Variants in TECRL observed in about 807,000 individuals in gnomAD.
TECRL encodes the protein trans-2,3-enoyl-CoA reductase like, also known as trans-2,3-enoyl-CoA reductase-like.
In TECRL, 63 loss-of-function variants were observed where a neutral mutation model predicts 52.8. That is an observed-to-expected ratio of 1.19 (90% CI 0.97 to 1.47). The LOEUF (loss-of-function observed/expected upper bound fraction) is 1.47, where lower values mean the gene tolerates loss of function less well. TECRL is among the 40% of genes most tolerant of loss of function. The pLI is 0.00. For missense variants in TECRL, 482 were observed against 429.6 expected, an observed-to-expected ratio of 1.12 and a Z score of -1.08; for synonymous variants, 164 against 141.9, an observed-to-expected ratio of 1.16 and a Z score of -1.10.
intron 1 of TECRL, among the ~76,000 whole-genome samples, chr4:64,386,247 T>C (rs796371590): frequency 3.3e-5 from 5 of 152,286 alleles, no homozygotes; most frequent in African/African-American, 1.2e-4. Flanking sequence ...GTATTATATA[T>C]GGTATTCTCA....
chr4:64,304,046 A>C (rs1277161188), intron 7 of TECRL, among the ~76,000 whole-genome samples: 1 of 151,502 alleles, frequency 6.6e-6, no homozygotes, highest in African/African-American at 2.4e-5. Context: ...GCATATTTAC[A>C]GTTATTAACA....
intron 8 of TECRL, 101 bp from the exon 9 acceptor site, chr4:64,289,868 C>A (rs1205117397): frequency 3.1e-6 from 2 of 641,946 alleles, no homozygotes; most frequent in South Asian, 4.8e-5. Context: ...ACATTAATCC[C>A]AAAGATTCAA....
Position 64,328,390 on chromosome 4 carries a change from G to T in TECRL, c.331+122C>A, listed in dbSNP as rs890001876. 1.1e-5 allele frequency: 8 copies of T among 716,942 alleles called. No individual in the cohort carries two copies. In the East Asian group the frequency reaches 2.1e-4, roughly 19 times the overall value. 44.4% of individuals were successfully genotyped at this position (716,942 alleles called of 1,614,324 possible). A position where few individuals can be genotyped will look rare whatever the true frequency, so the allele number is the denominator to read the frequency against. On this transcript the variant is annotated intron_variant, in intron 3 of 11. Coordinates refer to ENST00000381210, the MANE Select transcript of TECRL (RefSeq NM_001010874.5). ...ATAAAAGTGGAGCTCTAGTTTGTTG[G>T]GCGAATCAATTAAATAATACTAATA...
chr4:64,361,538 G>T (rs985476705), intron 2 of TECRL, among the ~76,000 whole-genome samples: 1 of 152,132 alleles, frequency 6.6e-6, no homozygotes, highest in African/African-American at 2.4e-5. Context: ...AGAGGTCAAA[G>T]AACAAAGCTG....
chr4:64,313,542 T>C (rs757015629), intron 5 of TECRL, among the ~76,000 whole-genome samples: 12 of 138,402 alleles, frequency 8.7e-5, no homozygotes, highest in Non-Finnish European at 1.5e-4. Flanking sequence ...AGTGCAGTGG[T>C]GCGATCTCAG....
intron 6 of TECRL, among the ~76,000 whole-genome samples, chr4:64,307,990 G>A (rs1221780595): frequency 6.6e-6 from 1 of 152,116 alleles, no homozygotes; most frequent in African/African-American, 2.4e-5. Context: ...CGAAGTACTA[G>A]AATTAGGACC....
At chr4:64,340,340 C>T (rs1237072511) in intron 2 of TECRL, among the ~76,000 whole-genome samples, 4 of 152,202 alleles carry the variant, frequency 2.6e-5, no homozygotes, top group Non-Finnish European at 4.4e-5. Flanking sequence ...TGGCTGCAGG[C>T]CCAGGAATCC....
intron 3 of TECRL, among the ~76,000 whole-genome samples, chr4:64,326,868 A>G (rs1718300741): frequency 6.6e-6 from 1 of 152,128 alleles, no homozygotes; most frequent in Admixed American, 6.6e-5. Context: ...TTCATATAAG[A>G]TCAATGATTC....
At chr4:64,306,526 G>A (rs1396005961) in intron 6 of TECRL, among the ~76,000 whole-genome samples, 2 of 152,068 alleles carry the variant, frequency 1.3e-5, no homozygotes, top group African/African-American at 2.4e-5. Flanking sequence ...TCAATGTTAT[G>A]TATGTTTTTG....
intron 1 of TECRL, among the ~76,000 whole-genome samples, chr4:64,386,183 C>T (rs1723167326): frequency 2.0e-5 from 3 of 152,116 alleles, no homozygotes; most frequent in Non-Finnish European, 4.4e-5. Context: ...TCAATTAACA[C>T]ATACTGCATC....
intron 5 of TECRL, among the ~76,000 whole-genome samples, chr4:64,311,347 C>G (rs1242779071): frequency 6.6e-6 from 1 of 152,140 alleles, no homozygotes; most frequent in Non-Finnish European, 1.5e-5. Flanking sequence ...GAGCAAGCAT[C>G]ATGAATGTCT....
intron 2 of TECRL, among the ~76,000 whole-genome samples, chr4:64,345,992 T>G (rs997676736): frequency 5.7e-5 from 8 of 140,036 alleles, no homozygotes; most frequent in Admixed American, 2.3e-4. Flanking sequence ...AAGATAAATA[T>G]GCACACAGAA....
At chr4:64,363,255 C>CA (rs1489625890) in intron 2 of TECRL, among the ~76,000 whole-genome samples, 3 of 152,052 alleles carry the variant, frequency 2.0e-5, no homozygotes, top group African/African-American at 7.2e-5. Flanking sequence ...CTTCAACACC[C>CA]AACTGACAGT....
At chr4:64,389,753 A>G (rs1027783370) in intron 1 of TECRL, among the ~76,000 whole-genome samples, 1 of 151,890 alleles carries the variant, frequency 6.6e-6, no homozygotes, top group African/African-American at 2.4e-5. Flanking sequence ...TAGATTATTA[A>G]TTATTGATTC....
intron 3 of TECRL, among the ~76,000 whole-genome samples, chr4:64,326,949 C>T (rs1264335946): frequency 6.6e-6 from 1 of 151,880 alleles, no homozygotes; most frequent in Non-Finnish European, 1.5e-5. Context: ...GCCTTTTTTT[C>T]TTCTTAATAT....
intron 1 of TECRL, among the ~76,000 whole-genome samples, chr4:64,375,808 AAAAC>A (rs1357921643): frequency 8.6e-5 from 13 of 152,034 alleles, no homozygotes; most frequent in African/African-American, 3.1e-4. Context: ...CTAAATTACT[AAAAC>A]AAACTCTATA....
In TECRL at chr4:64,279,847, C is replaced by A; in HGVS notation, c.*225G>T. On this transcript the variant is annotated 3_prime_UTR_variant, in exon 12 of 12. Transcript: ENST00000381210. ...ATTTTATTCAAGGACCAATCCCATGCAAATACATTCAGAGCTGTTCTTAGT... is the reference window on the plus strand; with the variant it reads ...ATTTTATTCAAGGACCAATCCCATGAAAATACATTCAGAGCTGTTCTTAGT... 1.9e-6 allele frequency: 2 copies of A among 1,062,102 alleles called. No homozygotes were observed. The highest frequency in any genetic ancestry group is 2.3e-6 in the Non-Finnish European group (2 of 880,150). The allele number at this position is 1,062,102 out of a possible 1,614,324, so 65.8% of individuals were successfully genotyped here. A position where few individuals can be genotyped will look rare whatever the true frequency, so the allele number is the denominator to read the frequency against.
At chr4:64,393,768 T>G (rs1431217481) in intron 1 of TECRL, among the ~76,000 whole-genome samples, 2 of 151,850 alleles carry the variant, frequency 1.3e-5, no homozygotes, top group African/African-American at 4.8e-5. Context: ...ATTGTTAAAA[T>G]TAAAAAAATT....
At chr4:64,360,412 G>T (rs2348503) in intron 2 of TECRL, among the ~76,000 whole-genome samples, 1 of 152,108 alleles carries the variant, frequency 6.6e-6, no homozygotes, top group African/African-American at 2.4e-5. Flanking sequence ...TTTGAAGTAT[G>T]TTTCAGCAAA....
Sources: gnomAD v4.1 joint callset for allele counts (sites outside exome capture counted in the v4.1 genomes callset) on GRCh38, gnomAD v4.1.1 for gene constraint, MANE v1.5 for transcripts, NCBI Gene and HGNC (gene_info 2026-07-23, HGNC 2026-07-21) for gene names.